FAM81A: variants seen among roughly 807,000 people sequenced by gnomAD.
FAM81A encodes the protein family with sequence similarity 81 member A.
A neutral mutation model predicts 46.7 loss-of-function variants in FAM81A; 19 were observed. The observed-to-expected ratio is 0.41, with a 90% confidence interval of 0.28 to 0.60. The LOEUF is 0.60. Ranked by LOEUF, FAM81A falls within the 20% of genes least tolerant of loss-of-function variation. The pLI is 0.34. For missense variants in FAM81A, 377 were observed against 453.5 expected (o/e 0.83, Z 1.53); for synonymous variants, 183 against 152.9 (o/e 1.20, Z -1.45).
At chr15:59,475,411 G>T (rs1184633837) in intron 3 of FAM81A, among the ~76,000 whole-genome samples, 1 of 152,152 alleles carries the variant, frequency 6.6e-6, no homozygotes, top group Non-Finnish European at 1.5e-5. Flanking sequence ...CTCCCAAAGT[G>T]CTGGAATTAT....
At chr15:59,519,462 C>T (rs1312880739) in intron 8 of FAM81A, among the ~76,000 whole-genome samples, 1 of 146,532 alleles carries the variant, frequency 6.8e-6, no homozygotes, top group Non-Finnish European at 1.5e-5. Flanking sequence ...CTCCCTCCCT[C>T]CCTCCCTCCT....
intron 1 of FAM81A, among the ~76,000 whole-genome samples, chr15:59,451,609 C>T (rs917254424): frequency 2.9e-4 from 44 of 152,116 alleles, no homozygotes; most frequent in African/African-American, 9.9e-4. Context: ...TGGACCATCA[C>T]GCTCAGCTAA....
intron 2 of FAM81A, among the ~76,000 whole-genome samples, chr15:59,411,469 A>G (rs2081120291): frequency 6.6e-6 from 1 of 152,232 alleles, no homozygotes; most frequent in Non-Finnish European, 1.5e-5. Flanking sequence ...CAGAGTATTG[A>G]TCAGAATGTA....
intron 1 of FAM81A, among the ~76,000 whole-genome samples, chr15:59,443,125 C>G (rs528159771): frequency 1.3e-5 from 2 of 152,146 alleles, no homozygotes; most frequent in Non-Finnish European, 2.9e-5. Flanking sequence ...CTCGGTTGCC[C>G]AGGGCGGAAC....
At position 59,438,250 on chromosome 15, in the gene FAM81A, T is replaced by A. The variant is rs1413430662; in HGVS notation, c.-110T>A. ...GCACCCAGCCGCGCCGGCGAGGACA[T>A]GGGCAGCCGCGGCGCGCCCACCCCC... On this transcript the variant is annotated 5_prime_UTR_variant, in exon 1 of 9. The change abolishes an upstream ATG in the 5' untranslated region. Coordinates refer to ENST00000288228, the MANE Select transcript of FAM81A (RefSeq NM_152450.3). The A allele has an allele frequency of 6.7e-6, 1 of 149,532 alleles. No individual in the cohort carries two copies. Among genetic ancestry groups the A allele is most frequent in the Non-Finnish European group, 1.5e-5 (1 of 67,180 alleles). The allele number at this position is 149,532 out of a possible 1,614,324, so 9.3% of individuals were successfully genotyped here.
intron 7 of FAM81A, among the ~76,000 whole-genome samples, chr15:59,515,238 T>TATC: frequency 6.6e-6 from 1 of 152,260 alleles, no homozygotes; most frequent in East Asian, 1.9e-4. Context: ...AGTGAGACTC[T>TATC]ATCTCAAAAA....
chr15:59,478,237 T>A (rs1173281825), intron 3 of FAM81A, among the ~76,000 whole-genome samples: 1 of 152,224 alleles, frequency 6.6e-6, no homozygotes, highest in Non-Finnish European at 1.5e-5. Flanking sequence ...CTACTTTAGT[T>A]CCCATGTGCT....
intron 3 of FAM81A, among the ~76,000 whole-genome samples, chr15:59,462,577 A>G (rs1299849940): frequency 1.3e-5 from 2 of 152,204 alleles, no homozygotes. Flanking sequence ...GTACATTCAC[A>G]ATGTTGGGCA....
At chr15:59,473,972 C>T (rs1286512357) in intron 3 of FAM81A, among the ~76,000 whole-genome samples, 1 of 152,148 alleles carries the variant, frequency 6.6e-6, no homozygotes, top group South Asian at 2.1e-4. Context: ...CTACAGTGCC[C>T]AGCCAGAACC....
chr15:59,489,314 T>TACATACATAC (rs2081958042), intron 3 of FAM81A, among the ~76,000 whole-genome samples: 1 of 139,554 alleles, frequency 7.2e-6, no homozygotes, highest in African/African-American at 2.7e-5. Context: ...TACATACATA[T>TACATACATAC]ATACATACAT....
At position 59,458,537 on chromosome 15, in the gene FAM81A, A is replaced by G. The variant is rs1567052042; in HGVS notation, c.-77-13A>G. 2 of 1,595,734 alleles carry G rather than the reference A, an allele frequency of 1.3e-6. No homozygotes were observed. The highest frequency in any genetic ancestry group is 1.1e-5 in the South Asian group (1 of 89,260). ...TAAACTGTTAAATAATTTAGTGCTT[A>G]TTTTTTCAACAGATGTGAATTATTA... On this transcript the variant is annotated splice_polypyrimidine_tract_variant and intron_variant, in intron 1 of 8. Coordinates refer to ENST00000288228, the MANE Select transcript of FAM81A (RefSeq NM_152450.3).
At chr15:59,400,290 C>A (rs1406220846) in intron 1 of FAM81A, among the ~76,000 whole-genome samples, 1 of 152,108 alleles carries the variant, frequency 6.6e-6, no homozygotes, top group African/African-American at 2.4e-5. Context: ...TCTCCCTCCC[C>A]GCCCACATCC....
At position 59,459,777 on chromosome 15, in the gene FAM81A, G is replaced by A. The variant is rs561689704; in HGVS notation, c.21-156G>A. 5.3e-5 allele frequency among the ~76,000 whole-genome samples: 8 copies of A among 152,300 alleles called. No individual in the cohort carries two copies. The South Asian group carries it at 1.0e-3, about 20-fold the overall frequency. Reference sequence around the variant, plus strand: ...ATTATTTAAAGATCTTTCCCGGCTTGTGAAGAAAACTTTTTTAGGCAGAAA... The same window carrying A: ...ATTATTTAAAGATCTTTCCCGGCTTATGAAGAAAACTTTTTTAGGCAGAAA... On this transcript the variant is annotated intron_variant, in intron 2 of 8. Coordinates refer to ENST00000288228, the MANE Select transcript of FAM81A (RefSeq NM_152450.3).
In FAM81A at chr15:59,521,613, TC is replaced by T. The variant is rs1240994917; in HGVS notation, c.*240del. ...TTCACTTCTCTAAATTCAATGGAAATCCCCCGCCCTGGATTTTGAAAGGCTT... is the reference window on the plus strand; with the variant it reads ...TTCACTTCTCTAAATTCAATGGAAATCCCCGCCCTGGATTTTGAAAGGCTT... On this transcript the variant is annotated 3_prime_UTR_variant, in exon 9 of 9. Coordinates refer to ENST00000288228, the MANE Select transcript of FAM81A (RefSeq NM_152450.3). 5.2e-6 allele frequency: 2 copies of T among 385,566 alleles called. No individual in the cohort carries two copies. Among genetic ancestry groups the T allele is most frequent in the South Asian group, 2.1e-4 (2 of 9,358 alleles). The allele number at this position is 385,566 out of a possible 1,614,324, so 23.9% of individuals were successfully genotyped here. A position where few individuals can be genotyped will look rare whatever the true frequency, so the allele number is the denominator to read the frequency against.
At chr15:59,449,588 T>C (rs1034825307) in intron 1 of FAM81A, among the ~76,000 whole-genome samples, 24 of 152,156 alleles carry the variant, frequency 1.6e-4, no homozygotes, top group East Asian at 3.9e-4. Flanking sequence ...GAGACCATCC[T>C]GGCTAACACA....
Position 59,496,407 on chromosome 15 carries a change from C to G in FAM81A, c.413+4018C>G, listed in dbSNP as rs140988703. ...AGATCAGGAGGTCAGGAGTTCAAGA[C>G]CAGCCTGACCAATATGGTGAAACCC... On this transcript the variant is annotated intron_variant, in intron 4 of 8. Coordinates refer to ENST00000288228, the MANE Select transcript of FAM81A (RefSeq NM_152450.3). 8.2e-3 allele frequency among the ~76,000 whole-genome samples: 1,242 copies of G among 152,036 alleles called. 17 individuals carry two copies. Among genetic ancestry groups the G allele is most frequent in the African/African-American group, 0.028 (1,151 of 41,472 alleles).
intron 8 of FAM81A, among the ~76,000 whole-genome samples, chr15:59,519,588 C>T (rs2082306712): frequency 6.7e-6 from 1 of 149,660 alleles, no homozygotes; most frequent in Non-Finnish European, 1.5e-5. Context: ...CCCTTCCTTT[C>T]CCTTCCCCTC....
intron 4 of FAM81A, among the ~76,000 whole-genome samples, chr15:59,504,642 T>C (rs2082130074): frequency 6.6e-6 from 1 of 152,216 alleles, no homozygotes; most frequent in Admixed American, 6.5e-5. Context: ...CTGAAGTACA[T>C]TCATTAGTAA....
At chr15:59,502,145 T>C (rs28610952) in intron 4 of FAM81A, among the ~76,000 whole-genome samples, 2 of 151,192 alleles carry the variant, frequency 1.3e-5, no homozygotes, top group East Asian at 3.9e-4. Context: ...ATTATTTTTA[T>C]TTTTTATTTT....
Sources: allele counts gnomAD v4.1 joint callset (sites outside exome capture counted in the v4.1 genomes callset), GRCh38; gene constraint gnomAD v4.1.1; transcripts MANE v1.5; gene names NCBI Gene and HGNC (gene_info 2026-07-23, HGNC 2026-07-21).